ROBO1: variants seen among roughly 807,000 people sequenced by gnomAD.
ROBO1 encodes roundabout guidance receptor 1.
ROBO1 carries 149 observed loss-of-function variants against 195.9 expected under a neutral mutation model. That is an observed-to-expected ratio of 0.76 (90% CI 0.67 to 0.87). The LOEUF is 0.87. Among genes scored for constraint, ROBO1 ranks in the 40% least tolerant of loss-of-function variants. ROBO1 has a pLI of 0.00. For missense variants in ROBO1, 1,933 were observed against 2,068.3 expected, an observed-to-expected ratio of 0.93 and a Z score of 1.27; for synonymous variants, 816 against 733.2, an observed-to-expected ratio of 1.11 and a Z score of -1.82.
rs540242368 is a variant in ROBO1 at position 79,687,239 on chromosome 3, T to C, written c.-51+80513A>G. ...ATTCAAGATGGATTAAAGACTTAAA[T>C]GTTAGACCTAAAACCATAAAAACCC... On this transcript the variant is annotated intron_variant, in intron 1 of 30. Transcript: ENST00000464233. Among the ~76,000 whole-genome samples the C allele has an allele frequency of 4.0e-5, 6 of 151,164 alleles. No individual in the cohort carries two copies. The South Asian group carries it at 1.3e-3, about 32-fold the overall frequency.
chr3:79,195,193 T>C (rs1016934228), intron 2 of ROBO1, among the ~76,000 whole-genome samples: 11 of 151,580 alleles, frequency 7.3e-5, no homozygotes, highest in African/African-American at 2.7e-4. Flanking sequence ...ATAAGAAAAA[T>C]GGGAATAATA....
intron 4 of ROBO1, among the ~76,000 whole-genome samples, chr3:78,876,177 T>A (rs1040254599): frequency 2.0e-5 from 3 of 152,138 alleles, no homozygotes; most frequent in Admixed American, 1.3e-4. Flanking sequence ...ACTATTTCCA[T>A]GTTTTGAAAA....
intron 4 of ROBO1, among the ~76,000 whole-genome samples, chr3:78,839,958 T>C (rs2106725479): frequency 6.6e-6 from 1 of 152,292 alleles, no homozygotes; most frequent in East Asian, 1.9e-4. Context: ...AAAAAGCGTA[T>C]TAACTAAATG....
intron 4 of ROBO1, among the ~76,000 whole-genome samples, chr3:78,831,659 T>C (rs990126860): frequency 1.3e-5 from 2 of 152,236 alleles, no homozygotes; most frequent in Admixed American, 1.3e-4. Flanking sequence ...TGTATTTGTC[T>C]GTTATCTCAC....
At chr3:79,411,750 T>C (rs1330531088) in intron 2 of ROBO1, among the ~76,000 whole-genome samples, 1 of 152,132 alleles carries the variant, frequency 6.6e-6, no homozygotes, top group African/African-American at 2.4e-5. Context: ...TTACGGAATG[T>C]GGAGCCCATT....
At chr3:78,888,846 T>C (rs2036718496) in intron 4 of ROBO1, among the ~76,000 whole-genome samples, 1 of 152,178 alleles carries the variant, frequency 6.6e-6, no homozygotes, top group African/African-American at 2.4e-5. Context: ...GTAAAATAGC[T>C]AGCTATTACA....
intron 2 of ROBO1, among the ~76,000 whole-genome samples, chr3:79,238,466 T>C (rs1227016754): frequency 6.6e-6 from 1 of 152,210 alleles, no homozygotes; most frequent in Non-Finnish European, 1.5e-5. Flanking sequence ...ATCTTTTATA[T>C]GGCAAGGTGG....
chr3:79,547,723 T>C (rs1343690576), intron 2 of ROBO1, among the ~76,000 whole-genome samples: 3 of 152,160 alleles, frequency 2.0e-5, no homozygotes, highest in Non-Finnish European at 4.4e-5. Context: ...GAAAACCTTA[T>C]AAACATTAAC....
chr3:79,018,582 T>C (rs1559596947), intron 3 of ROBO1: 1 of 1,501,612 alleles, frequency 6.7e-7, no homozygotes. Context: ...GTGGGTCAAT[T>C]AGCCAAGAGT....
intron 2 of ROBO1, among the ~76,000 whole-genome samples, chr3:79,138,822 A>G (rs574691769): frequency 1.2e-4 from 18 of 152,076 alleles, no homozygotes; most frequent in African/African-American, 4.1e-4. Context: ...TGATATAGAT[A>G]TATAGATATA....
intron 3 of ROBO1, among the ~76,000 whole-genome samples, chr3:78,942,401 CAG>C (rs1216623699): frequency 2.6e-5 from 4 of 152,048 alleles, no homozygotes; most frequent in African/African-American, 9.7e-5. Context: ...ATAAAATCAA[CAG>C]AGTCTAGCCA....
At position 79,740,579 on chromosome 3, in the gene ROBO1, T is replaced by G. The variant is rs369207578; in HGVS notation, c.-51+27173A>C. Among the ~76,000 whole-genome samples the G allele has an allele frequency of 1.3e-4, 20 of 152,064 alleles. No homozygotes were observed. In the East Asian group the frequency reaches 3.9e-3, roughly 29 times the overall value. ...GGCAGGACTGAGAATGAGTGCCGAG[T>G]GCCGAGCAAAGCAAGAAGCCACTTA... On this transcript the variant is annotated intron_variant, in intron 1 of 30. Coordinates refer to ENST00000464233, the MANE Select transcript of ROBO1 (RefSeq NM_002941.4).
At chr3:78,718,786 G>A (rs1576012446) in intron 5 of ROBO1, among the ~76,000 whole-genome samples, 1 of 51,796 alleles carries the variant, frequency 1.9e-5, no homozygotes, top group African/African-American at 4.5e-5. Flanking sequence ...AAAGGAAGAA[G>A]GAAGGAAGGA....
intron 4 of ROBO1, among the ~76,000 whole-genome samples, chr3:78,928,595 C>A (rs1464070583): frequency 6.6e-6 from 1 of 152,120 alleles, no homozygotes; most frequent in East Asian, 1.9e-4. Context: ...GATTCTCGAT[C>A]CACTGGTCAT....
At chr3:79,517,125 C>G (rs1054342279) in intron 2 of ROBO1, among the ~76,000 whole-genome samples, 2 of 152,148 alleles carry the variant, frequency 1.3e-5, no homozygotes, top group Non-Finnish European at 2.9e-5. Context: ...TCACCTTAAA[C>G]AAAAGAAAAT....
intron 4 of ROBO1, among the ~76,000 whole-genome samples, chr3:78,885,908 T>TA (rs1189255311): frequency 1.2e-4 from 13 of 108,310 alleles, no homozygotes; most frequent in South Asian, 6.7e-4. Context: ...ATAGCAAAAT[T>TA]TTATATATAT....
chr3:79,653,021 T>C (rs1946056540), intron 1 of ROBO1, among the ~76,000 whole-genome samples: 1 of 151,902 alleles, frequency 6.6e-6, no homozygotes, highest in Non-Finnish European at 1.5e-5. Context: ...AATATGTTTT[T>C]GCTTCACTTA....
intron 4 of ROBO1, among the ~76,000 whole-genome samples, chr3:78,907,505 G>T (rs1007504971): frequency 1.3e-5 from 2 of 152,006 alleles, no homozygotes; most frequent in Non-Finnish European, 2.9e-5. Context: ...CAGTGAGTTG[G>T]ACTATAACCT....
At chr3:79,323,517 C>T (rs775615098) in intron 2 of ROBO1, among the ~76,000 whole-genome samples, 9 of 152,104 alleles carry the variant, frequency 5.9e-5, no homozygotes, top group Non-Finnish European at 1.3e-4. Context: ...TCTATGCATG[C>T]GTGTGTTCAT....
Sources: gnomAD v4.1 joint callset for allele counts (sites outside exome capture counted in the v4.1 genomes callset) on GRCh38, gnomAD v4.1.1 for gene constraint, MANE v1.5 for transcripts, NCBI Gene and HGNC (gene_info 2026-07-23, HGNC 2026-07-21) for gene names.